Variants in ETFA observed in about 807,000 individuals in gnomAD.
ETFA encodes the protein electron transfer flavoprotein subunit alpha, mitochondrial.
In ETFA, 22 loss-of-function variants were observed where a neutral mutation model predicts 46.2. The observed-to-expected ratio is 0.48, with a 90% CI of 0.34 to 0.68. The LOEUF (loss-of-function observed/expected upper bound fraction) is 0.68. Among genes scored for constraint, ETFA ranks in the 30% least tolerant of loss-of-function variants. ETFA has a pLI of 0.01. For missense variants in ETFA, 345 were observed against 401.1 expected, an observed-to-expected ratio of 0.86 and a Z score of 1.19; for synonymous variants, 131 against 139.9, an observed-to-expected ratio of 0.94 and a Z score of 0.45.
intron 9 of ETFA, chr15:76,259,662 T>C (rs2141492255): frequency 4.2e-6 from 4 of 961,168 alleles, no homozygotes; most frequent in African/African-American, 3.2e-5. Flanking sequence ...CTAACAATAG[T>C]AGCCCCGCTG....
chr15:76,277,909 T>C (rs2039611802), intron 8 of ETFA, among the ~76,000 whole-genome samples: 1 of 152,316 alleles, frequency 6.6e-6, no homozygotes, highest in African/African-American at 2.4e-5. Context: ...GGGTTTCTGC[T>C]CTGGGAAGTT....
chr15:76,296,391 A>G (rs1485723184), intron 1 of ETFA, among the ~76,000 whole-genome samples: 1 of 152,218 alleles, frequency 6.6e-6, no homozygotes. Context: ...TTCCTTAAAC[A>G]GAACATATTA....
intron 10 of ETFA, chr15:76,226,196 AT>A (rs1440774195): frequency 3.3e-5 from 12 of 358,548 alleles, no homozygotes; most frequent in African/African-American, 1.5e-4. Context: ...TACAAAAAAA[AT>A]ATTTGATTTT....
intron 1 of ETFA, among the ~76,000 whole-genome samples, chr15:76,301,477 G>A (rs1463319790): frequency 6.6e-5 from 10 of 152,338 alleles, no homozygotes; most frequent in African/African-American, 2.4e-4. Context: ...TTGGGAGGCC[G>A]AGGCCGATGG....
intron 1 of ETFA, among the ~76,000 whole-genome samples, chr15:76,296,465 T>C (rs72736892): frequency 0.097 from 14,728 of 152,254 alleles, 871 homozygotes; most frequent in African/African-American, 0.15. Context: ...ACTGTACTCC[T>C]ACAGTATAGG....
At chr15:76,283,565 C>G (rs892634321) in intron 8 of ETFA, among the ~76,000 whole-genome samples, 192 bp downstream of exon 8, 2 of 152,084 alleles carry the variant, frequency 1.3e-5, no homozygotes, top group Non-Finnish European at 2.9e-5. Flanking sequence ...TACTAGGAGG[C>G]CTTCTCCTCA....
chr15:76,285,076 G>A (rs2039693498), intron 7 of ETFA: 2 of 228,524 alleles, frequency 8.8e-6, no homozygotes, highest in African/African-American at 2.4e-5. Flanking sequence ...AAGCATAACA[G>A]TCCTTATTTT....
intron 9 of ETFA, among the ~76,000 whole-genome samples, chr15:76,271,896 C>T (rs1224135204): frequency 7.1e-6 from 1 of 140,146 alleles, no homozygotes; most frequent in East Asian, 2.2e-4. Context: ...CACATATATG[C>T]GTATATGTGT....
chr15:76,311,220 A>T, intron 1 of ETFA, 130 bp downstream of exon 1: 8 of 1,102,026 alleles, frequency 7.3e-6, no homozygotes, highest in Non-Finnish European at 9.2e-6. Flanking sequence ...CCCAAGTCCC[A>T]GGCGGGGACC....
At chr15:76,274,978 C>G (rs1258295537) in intron 8 of ETFA, among the ~76,000 whole-genome samples, 1 of 152,098 alleles carries the variant, frequency 6.6e-6, no homozygotes, top group African/African-American at 2.4e-5. Context: ...CCTTCCCCAG[C>G]AGGAGTCAAG....
chr15:76,227,530 G>GAAAAAAAA lies in ETFA; in HGVS notation c.883-1602_883-1601insTTTTTTTT, dbSNP rs1567196426. On this transcript the variant is annotated intron_variant, in intron 10 of 11. Transcript: ENST00000557943. ...GACTCTGTCTCAAAAAAAAAAAAAG[G>GAAAAAAAA]AAAAGCTATCATTCAAATCATTCTT... Among the ~76,000 whole-genome samples, 91 of 44,924 alleles carry GAAAAAAAA rather than the reference G, an allele frequency of 2.0e-3. No individual in the cohort carries two copies. The Middle Eastern group carries it at 0.031, about 15-fold the overall frequency. The allele number at this position is 44,924 out of a possible 152,430, so 29.5% of individuals were successfully genotyped here.
At chr15:76,237,810 A>G (rs560643725) in intron 9 of ETFA, among the ~76,000 whole-genome samples, 75 of 152,326 alleles carry the variant, frequency 4.9e-4, no homozygotes, top group Non-Finnish European at 8.1e-4. Context: ...TACTATCTAT[A>G]TATCTATAGT....
At chr15:76,299,775 C>T (rs1295907779) in intron 1 of ETFA, among the ~76,000 whole-genome samples, 5 of 152,192 alleles carry the variant, frequency 3.3e-5, no homozygotes. Context: ...TGCTGTGGAT[C>T]CTTTCTCCTG....
chr15:76,239,619 C>A lies in ETFA; in HGVS notation c.817-8221G>T, dbSNP rs561193409. Reference sequence around the variant, plus strand: ...TCTTAACCTAGGTTGATTCTAAATTCAGCACTTTTTCTATACCACATATGA... The same window carrying A: ...TCTTAACCTAGGTTGATTCTAAATTAAGCACTTTTTCTATACCACATATGA... On this transcript the variant is annotated intron_variant, in intron 9 of 11. Transcript: ENST00000557943. Among the ~76,000 whole-genome samples, 4 of 152,072 alleles carry A rather than the reference C, an allele frequency of 2.6e-5. No individual in the cohort carries two copies. In the South Asian group the frequency reaches 8.3e-4, roughly 32 times the overall value.
chr15:76,223,854 G>C (rs1369774828), intron 11 of ETFA, among the ~76,000 whole-genome samples: 1 of 152,186 alleles, frequency 6.6e-6, no homozygotes, highest in East Asian at 1.9e-4. Context: ...TGACTACAAA[G>C]AAGCTCCTGC....
intron 10 of ETFA, among the ~76,000 whole-genome samples, chr15:76,227,433 C>T (rs1185700453): frequency 2.9e-5 from 4 of 137,296 alleles, no homozygotes; most frequent in African/African-American, 1.1e-4. Context: ...AGGAGAATCG[C>T]TCAACTCTGG....
At chr15:76,291,543 G>A (rs1567217915) in intron 4 of ETFA, among the ~76,000 whole-genome samples, 3 of 150,788 alleles carry the variant, frequency 2.0e-5, no homozygotes, top group Admixed American at 6.6e-5. Flanking sequence ...GAGGTCAGGA[G>A]ATCAAGACCA....
intron 9 of ETFA, among the ~76,000 whole-genome samples, chr15:76,265,478 C>G (rs1170452297): frequency 2.0e-5 from 3 of 152,184 alleles, no homozygotes; most frequent in Non-Finnish European, 4.4e-5. Context: ...TGTATAGTAA[C>G]TATTCAGAGA....
chr15:76,279,542 G>A (rs995536647), intron 8 of ETFA, among the ~76,000 whole-genome samples: 2 of 152,236 alleles, frequency 1.3e-5, no homozygotes, highest in East Asian at 3.9e-4. Flanking sequence ...CTCCCAAAGT[G>A]TTGGGATTAC....
Sources: allele counts gnomAD v4.1 joint callset (sites outside exome capture counted in the v4.1 genomes callset), GRCh38; gene constraint gnomAD v4.1.1; transcripts MANE v1.5; gene names NCBI Gene and HGNC (gene_info 2026-07-23, HGNC 2026-07-21).